Variants in NUP153 observed in about 807,000 individuals in gnomAD.
NUP153 encodes nucleoporin 153, also known as nuclear pore complex protein Nup153.
NUP153 carries 27 observed loss-of-function variants against 134.6 expected under a neutral mutation model. That is an observed-to-expected ratio of 0.20 (90% CI 0.15 to 0.28). The LOEUF is 0.28. Among genes scored for constraint, NUP153 ranks in the 10% least tolerant of loss-of-function variants. The pLI is 1.00. For missense variants in NUP153, 1,821 were observed against 1,731.3 expected, an observed-to-expected ratio of 1.05 and a Z score of -0.92; for synonymous variants, 640 against 623.5, an observed-to-expected ratio of 1.03 and a Z score of -0.40.
At chr6:17,691,723 G>A (rs1190188803) in intron 1 of NUP153, among the ~76,000 whole-genome samples, 1 of 152,182 alleles carries the variant, frequency 6.6e-6, no homozygotes, top group Non-Finnish European at 1.5e-5. Context: ...TCCAGCCTGG[G>A]TGACACAGCG....
At chr6:17,619,228 T>C (rs1333300290) in intron 20 of NUP153, among the ~76,000 whole-genome samples, 1 of 152,172 alleles carries the variant, frequency 6.6e-6, no homozygotes, top group Non-Finnish European at 1.5e-5. Flanking sequence ...TGATTTCCAA[T>C]CTACATCTAT....
intron 11 of NUP153, chr6:17,651,973 T>G (rs1179484010): frequency 1.8e-6 from 1 of 551,788 alleles, no homozygotes; most frequent in Admixed American, 2.2e-5. Flanking sequence ...CACATGCCTG[T>G]GGTCCCAGCT....
intron 13 of NUP153, among the ~76,000 whole-genome samples, chr6:17,647,327 A>C (rs1451358187): frequency 6.6e-6 from 1 of 152,220 alleles, no homozygotes; most frequent in Non-Finnish European, 1.5e-5. Context: ...ATTAAAGGTA[A>C]ATCAAGACAC....
At chr6:17,661,856 G>T (rs1257742546) in intron 10 of NUP153, 77 bp from the exon 11 acceptor site, 1 of 1,364,528 alleles carries the variant, frequency 7.3e-7, no homozygotes, top group Non-Finnish European at 1.0e-6. Flanking sequence ...CTGCTAACAA[G>T]TAAAAAAAAA....
intron 1 of NUP153, among the ~76,000 whole-genome samples, chr6:17,705,983 C>A (rs1423999574): frequency 6.6e-6 from 1 of 152,278 alleles, no homozygotes; most frequent in East Asian, 1.9e-4. Context: ...AAGAAACGCG[C>A]GCATCATGGG....
At chr6:17,689,537 TTC>T (rs1405206556) in intron 1 of NUP153, among the ~76,000 whole-genome samples, 3 of 149,782 alleles carry the variant, frequency 2.0e-5, no homozygotes, top group African/African-American at 2.5e-5. Context: ...TTACGGTAAC[TTC>T]TTTTTTTTTT....
At chr6:17,624,919 G>T in intron 19 of NUP153, 86 bp from the exon 20 acceptor site, 1 of 1,330,826 alleles carries the variant, frequency 7.5e-7, no homozygotes, top group Non-Finnish European at 1.0e-6. Flanking sequence ...ACAAGCAAAT[G>T]TCAAGCTTCG....
intron 11 of NUP153, among the ~76,000 whole-genome samples, chr6:17,657,276 T>A (rs9477500): frequency 1.2e-4 from 18 of 151,764 alleles, no homozygotes; most frequent in African/African-American, 4.1e-4. Flanking sequence ...GCACAGTGAC[T>A]CACACCTGTA....
intron 2 of NUP153, among the ~76,000 whole-genome samples, chr6:17,686,881 C>A (rs9383311): frequency 1.1e-5 from 1 of 91,046 alleles, no homozygotes; most frequent in Non-Finnish European, 2.2e-5. Context: ...AATGGGCAGC[C>A]GGGGGCGGGC....
At chr6:17,639,291 C>T (rs1260059678) in intron 15 of NUP153, among the ~76,000 whole-genome samples, 1 of 152,054 alleles carries the variant, frequency 6.6e-6, no homozygotes, top group Admixed American at 6.5e-5. Flanking sequence ...GTTGGCCAGG[C>T]TGGTCTTCAA....
Position 17,616,032 on chromosome 6 carries a change from C to A in NUP153, c.*65G>T. On this transcript the variant is annotated 3_prime_UTR_variant, in exon 22 of 22. Coordinates refer to ENST00000262077, the MANE Select transcript of NUP153 (RefSeq NM_005124.4). ...CTTCAGATAACCCCAGCACAAAGTACAATCCAGTATCTGAAAGCAGGGCAC... is the reference window on the plus strand; with the variant it reads ...CTTCAGATAACCCCAGCACAAAGTAAAATCCAGTATCTGAAAGCAGGGCAC... The A allele has an allele frequency of 8.6e-7, 1 of 1,168,654 alleles. No homozygotes were observed. Among genetic ancestry groups the A allele is most frequent in the East Asian group, 2.3e-5 (1 of 42,746 alleles). 72.4% of individuals were successfully genotyped at this position (1,168,654 alleles called of 1,614,324 possible).
chr6:17,651,912 G>A lies in NUP153; in HGVS notation c.1396-2612C>T, dbSNP rs766241075. On this transcript the variant is annotated intron_variant, in intron 11 of 21. Transcript: ENST00000262077. ...AGCTCGAGATCAGCTTGGGCAATAC[G>A]GTGAGACCTTGTCTCTACAAATAAT... 46 of 661,830 alleles carry A rather than the reference G, an allele frequency of 7.0e-5. 2 individuals carry two copies. The highest frequency in any genetic ancestry group is 5.4e-4 in the South Asian group (34 of 63,256). The allele number at this position is 661,830 out of a possible 1,614,324, so 41.0% of individuals were successfully genotyped here. A position where few individuals can be genotyped will look rare whatever the true frequency, so the allele number is the denominator to read the frequency against.
chr6:17,699,167 A>T (rs985603765), intron 1 of NUP153, among the ~76,000 whole-genome samples: 1 of 149,048 alleles, frequency 6.7e-6, no homozygotes, highest in African/African-American at 2.5e-5. Flanking sequence ...AACCATGAAG[A>T]TAAGCTAAAT....
In NUP153 at chr6:17,679,848, C is replaced by T. The variant is rs151167422; in HGVS notation, c.335-4078G>A. ...ACCTTTTAAAGAATTCCAGGAATTG[C>T]TCTTAGGAGATCCAAAATCAAACCA... On this transcript the variant is annotated intron_variant, in intron 2 of 21. Coordinates refer to ENST00000262077, the MANE Select transcript of NUP153 (RefSeq NM_005124.4). 2.4e-3 allele frequency among the ~76,000 whole-genome samples: 368 copies of T among 152,226 alleles called. 2 individuals carry two copies. The highest frequency in any genetic ancestry group is 8.3e-3 in the African/African-American group (345 of 41,534).
rs71002249 is a variant in NUP153, at chr6:17,701,844, GAAA to G, written c.111+4430_111+4432del. Among the ~76,000 whole-genome samples, 437 of 81,636 alleles carry G rather than the reference GAAA, an allele frequency of 5.4e-3. 33 individuals carry two copies. Among genetic ancestry groups the G allele is most frequent in the Non-Finnish European group, 6.4e-3 (245 of 38,044 alleles). 53.6% of individuals were successfully genotyped at this position (81,636 alleles called of 152,430 possible). On this transcript the variant is annotated intron_variant, in intron 1 of 21. Coordinates refer to ENST00000262077, the MANE Select transcript of NUP153 (RefSeq NM_005124.4). ...CAAGACTCTGTCTCGGGGGGGGGGGGAAAAAAGCTAAATGCAGGAACTGACTTG... is the reference window on the plus strand; with the variant it reads ...CAAGACTCTGTCTCGGGGGGGGGGGGAAAGCTAAATGCAGGAACTGACTTG...
intron 15 of NUP153, 95 bp from the exon 16 acceptor site, chr6:17,637,865 T>C: frequency 2.3e-6 from 3 of 1,327,362 alleles, no homozygotes; most frequent in East Asian, 2.5e-5. Context: ...TTTACCTCAC[T>C]GCACACTTAC....
intron 1 of NUP153, 29 bp from the exon 2 acceptor site, chr6:17,688,647 GT>G: frequency 6.5e-7 from 1 of 1,536,438 alleles, no homozygotes; most frequent in Non-Finnish European, 8.9e-7. Flanking sequence ...TATTATGACA[GT>G]TTTAGAAATT....
At chr6:17,689,537 T>C (rs981657253) in intron 1 of NUP153, among the ~76,000 whole-genome samples, 2 of 149,782 alleles carry the variant, frequency 1.3e-5, no homozygotes, top group African/African-American at 5.0e-5. Flanking sequence ...TTACGGTAAC[T>C]TCTTTTTTTT....
chr6:17,656,529 C>A (rs1054485052), intron 11 of NUP153, among the ~76,000 whole-genome samples: 4 of 152,126 alleles, frequency 2.6e-5, no homozygotes, highest in Admixed American at 2.0e-4. Context: ...CGCTAACCAC[C>A]ATGCCTGGTT....
Sources: gnomAD v4.1 joint callset for allele counts (sites outside exome capture counted in the v4.1 genomes callset) on GRCh38, gnomAD v4.1.1 for gene constraint, MANE v1.5 for transcripts, NCBI Gene and HGNC (gene_info 2026-07-23, HGNC 2026-07-21) for gene names.